Variants in EPM2A observed in about 807,000 individuals in gnomAD.
EPM2A encodes the protein laforin.
In EPM2A, 21 loss-of-function variants were observed where a neutral mutation model predicts 26.5. That is an observed-to-expected ratio of 0.79 (90% confidence interval 0.56 to 1.14). The LOEUF (loss-of-function observed/expected upper bound fraction) is 1.14, where lower values mean the gene tolerates loss of function less well. EPM2A is among the 50% of genes most tolerant of loss of function. The pLI is 0.00. For missense variants in EPM2A, 458 were observed against 440.8 expected (o/e 1.04, Z -0.35); for synonymous variants, 217 against 177.6 (o/e 1.22, Z -1.76).
chr6:145,586,066 G>C (rs527758024), intron 2 of EPM2A, among the ~76,000 whole-genome samples: 2 of 152,102 alleles, frequency 1.3e-5, no homozygotes, highest in South Asian at 4.1e-4. Flanking sequence ...TGGGCCCTCA[G>C]CTTCAGCTTC....
chr6:145,403,769 T>G (rs7450612), intron 4 of EPM2A, among the ~76,000 whole-genome samples: 57,030 of 151,948 alleles, frequency 0.38, 10,961 homozygotes, highest in South Asian at 0.46. Context: ...CTTTCTTTTG[T>G]ATATATACCC....
At chr6:145,399,079 A>T (rs920335204) in intron 4 of EPM2A, among the ~76,000 whole-genome samples, 1 of 152,156 alleles carries the variant, frequency 6.6e-6, no homozygotes, top group South Asian at 2.1e-4. Flanking sequence ...CAGATAACAC[A>T]TTCTAGATCA....
intron 2 of EPM2A, among the ~76,000 whole-genome samples, chr6:145,510,900 A>G (rs538448700): frequency 6.6e-6 from 1 of 152,258 alleles, no homozygotes; most frequent in Non-Finnish European, 1.5e-5. Flanking sequence ...ACCAGAAACA[A>G]CAAAGGTGAC....
chr6:145,600,771 T>C (rs2128550048), intron 2 of EPM2A, among the ~76,000 whole-genome samples: 1 of 152,306 alleles, frequency 6.6e-6, no homozygotes, highest in East Asian at 1.9e-4. Context: ...GGACTTCCTT[T>C]AGGCAGTTTA....
downstream of EPM2A, among the ~76,000 whole-genome samples, chr6:145,496,729 T>TGTTTTTTTTTTTTG: frequency 1.4e-5 from 1 of 72,834 alleles, no homozygotes; most frequent in Non-Finnish European, 2.9e-5. Flanking sequence ...GTTCCTGCAA[T>TGTTTTTTTTTTTTG]TTTTTTTTTT....
rs964398743 is a variant in EPM2A, at chr6:145,400,494, C to CT, written c.556-16398dup. 5.6e-4 allele frequency among the ~76,000 whole-genome samples: 86 copies of CT among 152,222 alleles called. 1 individual carries two copies. The highest frequency in any genetic ancestry group is 9.8e-4 in the Admixed American group (15 of 15,282). On this transcript the variant is annotated intron_variant, in intron 4 of 4. Transcript: ENST00000638717. ...CAATTGCCTAATATTGACCCCCGCC[C>CT]TTTTTTGTGGTTTCGGCACAACAGC...
chr6:145,661,275 T>C (rs896924286), intron 2 of EPM2A, among the ~76,000 whole-genome samples: 2 of 152,204 alleles, frequency 1.3e-5, no homozygotes, highest in Non-Finnish European at 1.5e-5. Flanking sequence ...TTACTCATCT[T>C]TGAAGTGTGA....
At chr6:145,573,390 A>G (rs778300837) in intron 2 of EPM2A, among the ~76,000 whole-genome samples, 1 of 152,222 alleles carries the variant, frequency 6.6e-6, no homozygotes, top group Admixed American at 6.5e-5. Flanking sequence ...GTACCAGGAG[A>G]TGTGTTAATT....
exon 4 of EPM2A, chr6:145,501,780 T>C (rs1329513814): frequency 2.1e-6 from 1 of 470,984 alleles, no homozygotes; most frequent in African/African-American, 2.0e-5. Flanking sequence ...CTACGAGATA[T>C]AATAAGGTTA....
intron 4 of EPM2A, among the ~76,000 whole-genome samples, chr6:145,494,972 TG>T (rs1428451226): frequency 6.6e-6 from 1 of 152,222 alleles, no homozygotes; most frequent in African/African-American, 2.4e-5. Context: ...CTGTTGCTTT[TG>T]GATGGAGAGT....
chr6:145,705,372 T>C (rs1266146613), intron 1 of EPM2A, among the ~76,000 whole-genome samples: 2 of 151,996 alleles, frequency 1.3e-5, no homozygotes, highest in Non-Finnish European at 1.5e-5. Context: ...GATAGATAGA[T>C]ATACACATGC....
chr6:145,725,956 A>G (rs2128641929), intron 1 of EPM2A, among the ~76,000 whole-genome samples: 1 of 152,194 alleles, frequency 6.6e-6, no homozygotes, highest in African/African-American at 2.4e-5. Context: ...CCAGCTAAGA[A>G]GGCCTACAAG....
chr6:145,405,812 C>T (rs1778559892), intron 4 of EPM2A, among the ~76,000 whole-genome samples: 1 of 152,066 alleles, frequency 6.6e-6, no homozygotes. Context: ...AGGACATCAC[C>T]ATTGTTGGTA....
chr6:145,509,425 G>T (rs959063464), intron 2 of EPM2A, among the ~76,000 whole-genome samples: 1 of 152,108 alleles, frequency 6.6e-6, no homozygotes, highest in Non-Finnish European at 1.5e-5. Flanking sequence ...AAAGATTGGG[G>T]GCCCATTTTT....
At chr6:145,646,582 C>A (rs530633117) in intron 2 of EPM2A, among the ~76,000 whole-genome samples, 4 of 151,942 alleles carry the variant, frequency 2.6e-5, no homozygotes, top group Admixed American at 2.0e-4. Context: ...ACCATGCTTC[C>A]GTCCCCTTCA....
At chr6:145,677,947 C>G (rs1025362012) in intron 2 of EPM2A, among the ~76,000 whole-genome samples, 9 of 152,086 alleles carry the variant, frequency 5.9e-5, no homozygotes, top group Non-Finnish European at 7.4e-5. Context: ...TCATATGGAA[C>G]CAAAAAAGAG....
intron 1 of EPM2A, chr6:145,721,430 G>T (rs898064690): frequency 2.6e-5 from 4 of 152,122 alleles, no homozygotes; most frequent in African/African-American, 7.2e-5. Context: ...GATGGTGTTG[G>T]AAAAATAAAA....
downstream of EPM2A, among the ~76,000 whole-genome samples, chr6:145,622,178 T>C (rs1775651545): frequency 6.6e-6 from 1 of 152,214 alleles, no homozygotes; most frequent in African/African-American, 2.4e-5. Flanking sequence ...GTTGGTATAA[T>C]GCCTGATATA....
At chr6:145,495,019 C>T (rs1008235273) in intron 4 of EPM2A, among the ~76,000 whole-genome samples, 1 of 152,158 alleles carries the variant, frequency 6.6e-6, no homozygotes, top group Non-Finnish European at 1.5e-5. Flanking sequence ...TGATCCAGAC[C>T]TGAGTTCAGG....
Sources: allele counts gnomAD v4.1 joint callset (sites outside exome capture counted in the v4.1 genomes callset), GRCh38; gene constraint gnomAD v4.1.1; transcripts MANE v1.5; gene names NCBI Gene and HGNC (gene_info 2026-07-23, HGNC 2026-07-21).